GRIN3A: variants seen among roughly 807,000 people sequenced by gnomAD.
GRIN3A encodes glutamate ionotropic receptor NMDA type subunit 3A, also known as glutamate receptor ionotropic, NMDA 3A.
GRIN3A carries 47 observed loss-of-function variants against 92.4 expected under a neutral mutation model. The observed-to-expected ratio is 0.51, with a 90% CI of 0.40 to 0.65. The LOEUF is 0.65. Ranked by LOEUF, GRIN3A falls within the 30% of genes least tolerant of loss-of-function variation. The pLI, the probability that GRIN3A is intolerant of heterozygous loss-of-function variation, is 0.00. For missense variants in GRIN3A, 1,324 were observed against 1,393.1 expected (o/e 0.95, Z 0.79); for synonymous variants, 527 against 540.6 (o/e 0.97, Z 0.35).
intron 3 of GRIN3A, among the ~76,000 whole-genome samples, chr9:101,645,428 T>C (rs533921366): frequency 7.3e-5 from 11 of 151,662 alleles, no homozygotes; most frequent in African/African-American, 4.8e-5. Flanking sequence ...TCTTTGCTAT[T>C]GTGAATAGCA....
rs780276162 is a variant in GRIN3A, at chr9:101,670,656, T to C, written c.1756A>G (p.Lys586Glu). 9 of 1,613,854 alleles carry C rather than the reference T, an allele frequency of 5.6e-6. No homozygotes were observed. Among genetic ancestry groups the C allele is most frequent in the African/African-American group, 1.3e-5 (1 of 74,932 alleles). Residue 586 changes from lysine (K) to glutamate (E), a missense_variant, in exon 3 of 9, where the codon AAG (lysine) becomes GAG (glutamate). Transcript: ENST00000361820. Reference protein sequence around the residue: ...CYGYCIDLLEKIAEDMNFDFD... With the variant: ...CYGYCIDLLEEIAEDMNFDFD... ...TCAAAGTTCATGTCTTCTGCTATCT[T>C]TTCCAGCAGATCAATGCAATATCCA...
chr9:101,733,899 A>C (rs531501687), intron 1 of GRIN3A, among the ~76,000 whole-genome samples: 2 of 151,946 alleles, frequency 1.3e-5, no homozygotes, highest in Non-Finnish European at 2.9e-5. Context: ...GGGTCTTACT[A>C]TGTCACCCAG....
intron 5 of GRIN3A, among the ~76,000 whole-genome samples, chr9:101,616,888 T>TAATAA (rs1190517938): frequency 9.9e-6 from 1 of 101,436 alleles, no homozygotes; most frequent in Non-Finnish European, 1.9e-5. Flanking sequence ...ACTTAAAGTA[T>TAATAA]AAAAAAAAAA....
At chr9:101,618,350 GA>G (rs1002240004) in intron 5 of GRIN3A, among the ~76,000 whole-genome samples, 1 of 151,534 alleles carries the variant, frequency 6.6e-6, no homozygotes, top group African/African-American at 2.4e-5. Context: ...AAATTTACAA[GA>G]AAAAAACAAA....
At chr9:101,685,790 G>T (rs1829526305) in intron 2 of GRIN3A, among the ~76,000 whole-genome samples, 1 of 151,472 alleles carries the variant, frequency 6.6e-6, no homozygotes, top group African/African-American at 2.4e-5. Flanking sequence ...TTCTATTAAT[G>T]TATCCTGTTT....
intron 6 of GRIN3A, among the ~76,000 whole-genome samples, chr9:101,582,167 TC>T (rs1312880917): frequency 6.6e-6 from 1 of 152,068 alleles, no homozygotes; most frequent in Non-Finnish European, 1.5e-5. Context: ...CCACCTCTAT[TC>T]TGGAGAAACA....
intron 6 of GRIN3A, among the ~76,000 whole-genome samples, chr9:101,581,863 T>A (rs899440446): frequency 2.1e-4 from 32 of 152,242 alleles, no homozygotes; most frequent in African/African-American, 7.2e-4. Flanking sequence ...TATTTAGCAT[T>A]GAATATGTGT....
intron 1 of GRIN3A, among the ~76,000 whole-genome samples, chr9:101,730,761 T>C (rs1040345290): frequency 1.3e-5 from 2 of 152,156 alleles, no homozygotes; most frequent in African/African-American, 4.8e-5. Flanking sequence ...CACTACAATT[T>C]ATTCTTTCTA....
intron 6 of GRIN3A, chr9:101,593,049 C>T (rs1464353236): frequency 2.0e-5 from 3 of 152,166 alleles, no homozygotes; most frequent in African/African-American, 7.2e-5. Context: ...TGAGAACTCA[C>T]AATAGTATGT....
At position 101,701,945 on chromosome 9, in the gene GRIN3A, A is replaced by G. The variant is rs909669977; in HGVS notation, c.700-14745T>C. Among the ~76,000 whole-genome samples the G allele has an allele frequency of 2.3e-5, 3 of 131,600 alleles. No individual in the cohort carries two copies. In the Admixed American group the frequency reaches 2.5e-4, roughly 11 times the overall value. The allele number at this position is 131,600 out of a possible 152,430, so 86.3% of individuals were successfully genotyped here. A position where few individuals can be genotyped will look rare whatever the true frequency, so the allele number is the denominator to read the frequency against. The stretch of plus-strand genomic sequence containing the variant: ...TTAGTATCATCTACTTTCCTCCTTC[A>G]GCTTCTATTCCATACAGATTTTTTT... On this transcript the variant is annotated intron_variant, in intron 1 of 8. Transcript: ENST00000361820.
At chr9:101,631,897 G>T (rs1006580909) in intron 3 of GRIN3A, among the ~76,000 whole-genome samples, 1 of 152,042 alleles carries the variant, frequency 6.6e-6, no homozygotes, top group African/African-American at 2.4e-5. Flanking sequence ...CTTCCTTTCT[G>T]ATCCACTCAG....
chr9:101,613,574 G>T, intron 5 of GRIN3A, 47 bp from the exon 6 acceptor site: 1 of 1,586,632 alleles, frequency 6.3e-7, no homozygotes, highest in South Asian at 1.1e-5. Flanking sequence ...CCCTTCCTGA[G>T]AGATTGCCAC....
intron 8 of GRIN3A, among the ~76,000 whole-genome samples, chr9:101,574,439 A>G (rs11790230): frequency 0.087 from 13,246 of 152,252 alleles, 624 homozygotes; most frequent in Middle Eastern, 0.14. Context: ...AACTTTTGCA[A>G]TCTACCACAG....
intron 2 of GRIN3A, among the ~76,000 whole-genome samples, chr9:101,681,608 G>A (rs1372553045): frequency 6.6e-6 from 1 of 152,176 alleles, no homozygotes; most frequent in African/African-American, 2.4e-5. Context: ...TTCATTTACA[G>A]GATCCAAGTC....
intron 1 of GRIN3A, among the ~76,000 whole-genome samples, chr9:101,715,065 A>T (rs1167557983): frequency 6.6e-6 from 1 of 152,114 alleles, no homozygotes; most frequent in Non-Finnish European, 1.5e-5. Context: ...TGCCATTCAT[A>T]TACTCAATAT....
At chr9:101,605,234 G>T (rs1828263395) in intron 6 of GRIN3A, among the ~76,000 whole-genome samples, 1 of 152,208 alleles carries the variant, frequency 6.6e-6, no homozygotes, top group Non-Finnish European at 1.5e-5. Flanking sequence ...CAAAGGTCAT[G>T]GAACTGGTTC....
At chr9:101,594,790 C>A in intron 6 of GRIN3A, 2 of 1,613,636 alleles carry the variant, frequency 1.2e-6, no homozygotes, top group East Asian at 4.5e-5. Context: ...CCGGCAGGGA[C>A]ATGAACTCCT....
intron 1 of GRIN3A, among the ~76,000 whole-genome samples, chr9:101,700,492 G>T (rs1475124273): frequency 6.6e-6 from 1 of 152,142 alleles, no homozygotes; most frequent in African/African-American, 2.4e-5. Flanking sequence ...CATGTCTGAG[G>T]CACTGGCTGG....
chr9:101,628,141 C>T (rs1004362), intron 4 of GRIN3A, 115 bp downstream of exon 4: 136,892 of 958,918 alleles, frequency 0.14, 10,310 homozygotes, highest in East Asian at 0.19. Flanking sequence ...TATTACTTAA[C>T]ACAACGTGGG....
Sources: allele counts gnomAD v4.1 joint callset (sites outside exome capture counted in the v4.1 genomes callset), GRCh38; gene constraint gnomAD v4.1.1; transcripts MANE v1.5; gene names NCBI Gene and HGNC (gene_info 2026-07-23, HGNC 2026-07-21).